The following KHDRBS2 variants were observed in gnomAD, a reference collection of about 807,000 sequenced individuals.
KHDRBS2 encodes KH RNA binding domain containing, signal transduction associated 2.
A neutral mutation model predicts 44.3 loss-of-function variants in KHDRBS2; 26 were observed. The ratio of observed to expected loss-of-function variants is 0.59; its 90% CI spans 0.43 to 0.81. The LOEUF is 0.81. Among genes scored for constraint, KHDRBS2 ranks in the 40% least tolerant of loss-of-function variants. The pLI, the probability that KHDRBS2 is intolerant of heterozygous loss-of-function variation, is 0.00. For missense variants in KHDRBS2, 476 were observed against 433.1 expected, an observed-to-expected ratio of 1.10 and a Z score of -0.88; for synonymous variants, 194 against 151.1, an observed-to-expected ratio of 1.28 and a Z score of -2.08.
intron 6 of KHDRBS2, among the ~76,000 whole-genome samples, chr6:61,752,829 A>C (rs1777916185): frequency 6.6e-6 from 1 of 152,050 alleles, no homozygotes; most frequent in Admixed American, 6.6e-5. Context: ...AATGAAGCGA[A>C]TTATTTGAGG....
At chr6:61,823,548 C>T (rs1470538414) in intron 6 of KHDRBS2, among the ~76,000 whole-genome samples, 4 of 152,014 alleles carry the variant, frequency 2.6e-5, no homozygotes, top group Non-Finnish European at 5.9e-5. Flanking sequence ...AGGATATTGT[C>T]TTAGTATGCG....
chr6:61,997,614 C>T (rs997178058), intron 3 of KHDRBS2, among the ~76,000 whole-genome samples: 2 of 152,160 alleles, frequency 1.3e-5, no homozygotes, highest in Non-Finnish European at 2.9e-5. Flanking sequence ...GGACCTTCTT[C>T]TAATTTAACA....
intron 1 of KHDRBS2, among the ~76,000 whole-genome samples, chr6:62,215,731 C>A (rs1240710734): frequency 6.6e-6 from 1 of 151,670 alleles, no homozygotes; most frequent in Non-Finnish European, 1.5e-5. Flanking sequence ...TACCAGTGAT[C>A]AGCCCGATTA....
At chr6:61,769,896 G>A (rs1365290579) in intron 6 of KHDRBS2, among the ~76,000 whole-genome samples, 5 of 152,160 alleles carry the variant, frequency 3.3e-5, no homozygotes, top group Non-Finnish European at 5.9e-5. Context: ...TCCTCAAGTG[G>A]GTCCCTGACC....
chr6:62,081,223 G>A (rs1299035709), intron 2 of KHDRBS2, among the ~76,000 whole-genome samples: 1 of 152,050 alleles, frequency 6.6e-6, no homozygotes, highest in Non-Finnish European at 1.5e-5. Flanking sequence ...ATACAGAAAT[G>A]TGCTAAAAGA....
At chr6:61,706,144 G>T (rs1769508533) in intron 7 of KHDRBS2, among the ~76,000 whole-genome samples, 1 of 151,736 alleles carries the variant, frequency 6.6e-6, no homozygotes, top group African/African-American at 2.4e-5. Context: ...ACAACTCATT[G>T]CATCACCATT....
the KHDRBS2 span, chr6:61,659,291 G>C: frequency 1.3e-5 from 2 of 151,860 alleles, no homozygotes; most frequent in African/African-American, 4.8e-5. Context: ...ATTTTTCCTA[G>C]CATCCAGATT....
intron 3 of KHDRBS2, among the ~76,000 whole-genome samples, chr6:61,993,288 A>G (rs2127250859): frequency 6.6e-6 from 1 of 152,228 alleles, no homozygotes; most frequent in Non-Finnish European, 1.5e-5. Flanking sequence ...TCTTCATAGT[A>G]TCACCGAAAA....
intron 6 of KHDRBS2, among the ~76,000 whole-genome samples, chr6:61,804,337 C>T (rs1786778761): frequency 6.6e-6 from 1 of 152,152 alleles, no homozygotes; most frequent in African/African-American, 2.4e-5. Flanking sequence ...TGGACAGCCC[C>T]ATCCCTGTGG....
chr6:62,152,980 G>T (rs1447207005), intron 2 of KHDRBS2, among the ~76,000 whole-genome samples: 1 of 152,166 alleles, frequency 6.6e-6, no homozygotes, highest in East Asian at 1.9e-4. Context: ...TGATAGCATC[G>T]GGACTTTGGC....
intron 1 of KHDRBS2, among the ~76,000 whole-genome samples, chr6:62,225,487 T>C (rs1477865188): frequency 6.6e-6 from 1 of 152,218 alleles, no homozygotes; most frequent in East Asian, 1.9e-4. Flanking sequence ...TTTGGGATGT[T>C]TGTTTAAATA....
intron 1 of KHDRBS2, among the ~76,000 whole-genome samples, chr6:62,192,085 T>C (rs994727499): frequency 6.6e-6 from 1 of 152,006 alleles, no homozygotes; most frequent in African/African-American, 2.4e-5. Flanking sequence ...GCATTATAAC[T>C]TTTTCATGTA....
At chr6:61,819,310 A>C (rs1407318102) in intron 6 of KHDRBS2, among the ~76,000 whole-genome samples, 1 of 152,078 alleles carries the variant, frequency 6.6e-6, no homozygotes, top group African/African-American at 2.4e-5. Flanking sequence ...TAATTTAAAT[A>C]AAAACATTTC....
At chr6:62,197,131 C>T (rs1159140540) in intron 1 of KHDRBS2, among the ~76,000 whole-genome samples, 1 of 151,990 alleles carries the variant, frequency 6.6e-6, no homozygotes, top group African/African-American at 2.4e-5. Context: ...AATTTCAGAA[C>T]AAGGATGTAG....
At chr6:61,725,174 T>C (rs542495450) in intron 7 of KHDRBS2, among the ~76,000 whole-genome samples, 1 of 152,180 alleles carries the variant, frequency 6.6e-6, no homozygotes, top group East Asian at 1.9e-4. Flanking sequence ...CACAACTACA[T>C]GGAAATTGAA....
chr6:61,631,704 G>A, the KHDRBS2 span, among the ~76,000 whole-genome samples: 6 of 152,130 alleles, frequency 3.9e-5, no homozygotes, highest in Admixed American at 3.9e-4. Context: ...ATGGAAAGGG[G>A]ATTGGAAATG....
intron 6 of KHDRBS2, among the ~76,000 whole-genome samples, chr6:61,820,431 A>G (rs748040684): frequency 3.9e-5 from 6 of 152,002 alleles, no homozygotes; most frequent in Non-Finnish European, 8.8e-5. Flanking sequence ...GAATAGAGAT[A>G]TTATAGAGAA....
chr6:61,642,953 G>C, the KHDRBS2 span, among the ~76,000 whole-genome samples: 1 of 152,088 alleles, frequency 6.6e-6, no homozygotes, highest in Non-Finnish European at 1.5e-5. Flanking sequence ...CTTAAAATGT[G>C]GTTTTTACAT....
At chr6:61,607,434 T>A in the KHDRBS2 span, among the ~76,000 whole-genome samples, 17 of 143,882 alleles carry the variant, frequency 1.2e-4, no homozygotes, top group African/African-American at 4.1e-4. Flanking sequence ...ATAAAATAGA[T>A]AAGCCTCTGA....
Sources: gnomAD v4.1 joint callset for allele counts (sites outside exome capture counted in the v4.1 genomes callset) on GRCh38, gnomAD v4.1.1 for gene constraint, MANE v1.5 for transcripts, NCBI Gene and HGNC (gene_info 2026-07-23, HGNC 2026-07-21) for gene names.